The following TBC1D19 variants were observed in gnomAD, a reference collection of about 807,000 sequenced individuals.
TBC1D19 encodes TBC1 domain family member 19, also known as TBC1 domain family, member 19.
TBC1D19 carries 60 observed loss-of-function variants against 89.0 expected under a neutral mutation model. The ratio of observed to expected loss-of-function variants is 0.67; its 90% CI spans 0.55 to 0.84. TBC1D19 has a LOEUF of 0.84. TBC1D19 is among the 40% of genes least tolerant of loss of function. The pLI, the probability that TBC1D19 is intolerant of heterozygous loss-of-function variation, is 0.00. For synonymous variants in TBC1D19, 189 were observed against 199.7 expected (o/e 0.95, Z 0.45); for missense variants, 500 against 610.8 (o/e 0.82, Z 1.91).
At chr4:26,743,059 G>C (rs1034015586) in intron 18 of TBC1D19, among the ~76,000 whole-genome samples, 3 of 152,080 alleles carry the variant, frequency 2.0e-5, no homozygotes, top group African/African-American at 7.2e-5. Flanking sequence ...GTTGTACACT[G>C]TGATTTCTCC....
chr4:26,682,319 C>A (rs113655189), intron 11 of TBC1D19, among the ~76,000 whole-genome samples: 2 of 152,014 alleles, frequency 1.3e-5, no homozygotes, highest in Admixed American at 6.6e-5. Context: ...TCAATAAGGA[C>A]CAATTAAGGC....
At chr4:26,851,861 G>A in the TBC1D19 span, among the ~76,000 whole-genome samples, 751 of 152,312 alleles carry the variant, frequency 4.9e-3, 7 homozygotes, top group African/African-American at 0.017. Flanking sequence ...GACTACAGGC[G>A]TGTGCCACCA....
the TBC1D19 span, among the ~76,000 whole-genome samples, chr4:26,780,453 G>C: frequency 2.0e-5 from 3 of 152,296 alleles, no homozygotes; most frequent in East Asian, 5.8e-4. Flanking sequence ...GAGGCAATGT[G>C]GCTCAGAGAT....
chr4:26,849,751 T>C, the TBC1D19 span, among the ~76,000 whole-genome samples: 1 of 152,220 alleles, frequency 6.6e-6, no homozygotes, highest in Admixed American at 6.5e-5. Flanking sequence ...GATCCTCTTG[T>C]TGTTGGGTGA....
chr4:26,641,799 C>T (rs917945449), intron 7 of TBC1D19, among the ~76,000 whole-genome samples: 18 of 151,578 alleles, frequency 1.2e-4, no homozygotes, highest in Middle Eastern at 3.2e-3. Context: ...CTTCAGTAGC[C>T]GATTCGATCA....
chr4:26,596,940 CTTTGCTGATTTGCTTGA>C (rs368033788), intron 1 of TBC1D19, among the ~76,000 whole-genome samples: 2 of 152,248 alleles, frequency 1.3e-5, no homozygotes, highest in African/African-American at 4.8e-5. Flanking sequence ...CTGAAGCTTG[CTTTGCTGATTTGCTTGA>C]TTTGCTAAGG....
At chr4:26,756,436 G>A (rs543478103), downstream of TBC1D19, among the ~76,000 whole-genome samples, 3 of 152,158 alleles carry the variant, frequency 2.0e-5, no homozygotes, top group East Asian at 3.9e-4. Flanking sequence ...TTTAAAAGAG[G>A]CAACGTAATA....
chr4:26,821,039 C>T, the TBC1D19 span, among the ~76,000 whole-genome samples: 2 of 152,182 alleles, frequency 1.3e-5, no homozygotes, highest in African/African-American at 4.8e-5. Flanking sequence ...CCCTACACTG[C>T]ATTTAGTGTA....
At chr4:26,639,445 T>A (rs1743346751) in intron 6 of TBC1D19, among the ~76,000 whole-genome samples, 4 of 152,008 alleles carry the variant, frequency 2.6e-5, no homozygotes, top group Non-Finnish European at 4.4e-5. Context: ...TCTTGTCTTT[T>A]AATTAAGGTA....
At chr4:26,581,340 G>A (rs929146252), upstream of TBC1D19, among the ~76,000 whole-genome samples, 1 of 152,162 alleles carries the variant, frequency 6.6e-6, no homozygotes, top group Non-Finnish European at 1.5e-5. Context: ...AGCCCCGCAT[G>A]CATTAGGTAT....
chr4:26,783,910 A>G, the TBC1D19 span, among the ~76,000 whole-genome samples: 2 of 152,072 alleles, frequency 1.3e-5, no homozygotes, highest in African/African-American at 4.8e-5. Flanking sequence ...GCATCCAAGT[A>G]TGTTCTCTAA....
intron 13 of TBC1D19, among the ~76,000 whole-genome samples, chr4:26,699,505 A>G (rs532719489): frequency 1.1e-4 from 16 of 152,324 alleles, no homozygotes; most frequent in African/African-American, 3.8e-4. Context: ...CAGCCGTCCC[A>G]TTACTGGGTA....
intron 15 of TBC1D19, among the ~76,000 whole-genome samples, chr4:26,722,996 T>C (rs1226729508): frequency 6.6e-6 from 1 of 152,070 alleles, no homozygotes; most frequent in East Asian, 1.9e-4. Flanking sequence ...CTCATTATAG[T>C]GAATTTGGGA....
chr4:26,653,586 G>A (rs978436090), intron 7 of TBC1D19, among the ~76,000 whole-genome samples: 1 of 152,148 alleles, frequency 6.6e-6, no homozygotes, highest in Non-Finnish European at 1.5e-5. Context: ...ATTTAGGATA[G>A]TTAGCTTGTC....
intron 1 of TBC1D19, among the ~76,000 whole-genome samples, chr4:26,609,761 A>G (rs567595042): frequency 5.3e-5 from 8 of 152,246 alleles, no homozygotes; most frequent in Admixed American, 2.6e-4. Flanking sequence ...TGTTTTAGGA[A>G]GAAATGCTGG....
intron 15 of TBC1D19, among the ~76,000 whole-genome samples, chr4:26,725,510 T>C (rs1295823892): frequency 6.6e-6 from 1 of 152,034 alleles, no homozygotes; most frequent in Non-Finnish European, 1.5e-5. Context: ...CTCCTGGGCT[T>C]AAGTGATCCT....
chr4:26,699,411 G>T, intron 13 of TBC1D19, among the ~76,000 whole-genome samples: 1 of 152,186 alleles, frequency 6.6e-6, no homozygotes, highest in South Asian at 2.1e-4. Context: ...TTACACTGTT[G>T]GTGGGACTGT....
At chr4:26,770,921 A>G in the TBC1D19 span, among the ~76,000 whole-genome samples, 16 of 152,180 alleles carry the variant, frequency 1.1e-4, no homozygotes, top group Admixed American at 5.9e-4. Context: ...ACTGAATGAA[A>G]ATGGAAATAA....
chr4:26,709,165 A>T (rs1006962797), intron 13 of TBC1D19, among the ~76,000 whole-genome samples: 15 of 151,680 alleles, frequency 9.9e-5, no homozygotes, highest in Non-Finnish European at 4.4e-5. Context: ...AGTTTTTTTG[A>T]ATGTTGTTTG....
Sources: gnomAD v4.1 joint callset for allele counts (sites outside exome capture counted in the v4.1 genomes callset) on GRCh38, gnomAD v4.1.1 for gene constraint, MANE v1.5 for transcripts, NCBI Gene and HGNC (gene_info 2026-07-23, HGNC 2026-07-21) for gene names.